ZNF253: variants seen among roughly 807,000 people sequenced by gnomAD.
ZNF253 encodes zinc finger protein 253, also known as DNA-binding protein.
ZNF253 carries 8 observed loss-of-function variants against 11.9 expected under a neutral mutation model. That is an observed-to-expected ratio of 0.67 (90% CI 0.40 to 1.22). The LOEUF is 1.22. Among genes scored for constraint, ZNF253 ranks in the 50% most tolerant of loss-of-function variants. ZNF253 has a pLI of 0.01. For missense variants in ZNF253, 485 were observed against 586.9 expected (o/e 0.83, Z 1.79); for synonymous variants, 194 against 194.9 (o/e 1.00, Z 0.04).
intron 2 of ZNF253, among the ~76,000 whole-genome samples, chr19:19,879,066 G>A (rs1404206543): frequency 6.6e-6 from 1 of 152,118 alleles, no homozygotes. Context: ...GCAGTTTAAA[G>A]TCACTGGCAA....
intron 1 of ZNF253, among the ~76,000 whole-genome samples, chr19:19,872,583 T>TATATATATATATTATTATA (rs371297261): frequency 8.3e-6 from 1 of 120,766 alleles, no homozygotes; most frequent in African/African-American, 4.1e-5. Context: ...ATATATATTA[T>TATATATATATATTATTATA]TATATATATA....
chr19:19,867,451 C>T (rs1372514028), intron 1 of ZNF253, among the ~76,000 whole-genome samples: 1 of 152,204 alleles, frequency 6.6e-6, no homozygotes, highest in African/African-American at 2.4e-5. Flanking sequence ...GCCTCAACCT[C>T]CCTGGCTCAA....
chr19:19,882,965 C>T (rs1161904480), intron 3 of ZNF253, among the ~76,000 whole-genome samples: 2 of 144,378 alleles, frequency 1.4e-5, no homozygotes, highest in Non-Finnish European at 3.0e-5. Context: ...TGCGAGACTC[C>T]GTCTCAAAAA....
intron 2 of ZNF253, 48 bp downstream of exon 2, chr19:19,878,655 A>T: frequency 1.3e-6 from 2 of 1,552,212 alleles, no homozygotes; most frequent in South Asian, 2.5e-5. Context: ...TGAAGATTTT[A>T]TTTCTCTTTT....
chr19:19,867,888 A>G (rs938235825), intron 1 of ZNF253, among the ~76,000 whole-genome samples: 13 of 151,418 alleles, frequency 8.6e-5, no homozygotes, highest in African/African-American at 2.4e-5. Flanking sequence ...AAAAATAGCC[A>G]TTCTGACTGG....
At chr19:19,889,054 A>T (rs796295768) in intron 3 of ZNF253, among the ~76,000 whole-genome samples, 1 of 149,040 alleles carries the variant, frequency 6.7e-6, no homozygotes, top group Non-Finnish European at 1.5e-5. Flanking sequence ...CATCATTTTT[A>T]TCTTGCAGCA....
chr19:19,879,519 G>C (rs1244249897), intron 2 of ZNF253, among the ~76,000 whole-genome samples: 1 of 152,162 alleles, frequency 6.6e-6, no homozygotes, highest in Admixed American at 6.5e-5. Flanking sequence ...TTTGAGAAAT[G>C]AGAACATGAA....
chr19:19,880,271 C>CTTT, intron 3 of ZNF253, 125 bp downstream of exon 3: 12 of 427,272 alleles, frequency 2.8e-5, no homozygotes, highest in Admixed American at 4.5e-5. Flanking sequence ...TCCTGGGCAG[C>CTTT]TGTTTTTTTT....
At chr19:19,878,427 T>A (rs1046606571) in intron 1 of ZNF253, 54 bp from the exon 2 acceptor site, 4 of 1,612,354 alleles carry the variant, frequency 2.5e-6, no homozygotes, top group Admixed American at 1.7e-5. Flanking sequence ...TTAAGTCAAA[T>A]TAAAAATTCC....
chr19:19,872,561 C>CTATATATATATATATATATATA lies in ZNF253; in HGVS notation c.4-5901_4-5900insATATATATATATATATATATAT, dbSNP rs58650123. ...CTATATCCCATACCCTAAACCATAA[C>CTATATATATATATATATATATA]TATATATATATATATATATTATTAT... On this transcript the variant is annotated intron_variant, in intron 1 of 3. Transcript: ENST00000589717. 4.3e-3 allele frequency among the ~76,000 whole-genome samples: 525 copies of CTATATATATATATATATATATA among 121,516 alleles called. 9 individuals are homozygous for CTATATATATATATATATATATA. The highest frequency in any genetic ancestry group is 0.012 in the African/African-American group (290 of 23,556). The allele number at this position is 121,516 out of a possible 152,430, so 79.7% of individuals were successfully genotyped here. A position where few individuals can be genotyped will look rare whatever the true frequency, so the allele number is the denominator to read the frequency against.
In ZNF253 at chr19:19,891,657, C is replaced by G. The variant is rs2063230519; in HGVS notation, c.410C>G (p.Thr137Arg). The change falls in exon 4 of 4, where the codon ACA becomes AGA. Residue 137 changes from threonine (T) to arginine (R), a missense_variant. Coordinates refer to ENST00000589717, the MANE Select transcript of ZNF253 (RefSeq NM_021047.3). ...GGYNGLNQCL[T>R]TTQKEIFQCD... ...TATAATGGACTTAACCAATGTTTGA[C>G]AACTACCCAGAAAGAAATATTTCAA... 1 of 1,613,940 alleles carries G rather than the reference C, an allele frequency of 6.2e-7. No individual in the cohort carries two copies. The highest frequency in any genetic ancestry group is 1.1e-5 in the South Asian group (1 of 91,084).
Position 19,892,794 on chromosome 19 carries a change from CTT to C in ZNF253, c.*49_*50del. 1 of 1,507,226 alleles carries C rather than the reference CTT, an allele frequency of 6.6e-7. No homozygotes were observed. Among genetic ancestry groups the C allele is most frequent in the Non-Finnish European group, 8.9e-7 (1 of 1,118,256 alleles). The allele number at this position is 1,507,226 out of a possible 1,614,324, so 93.4% of individuals were successfully genotyped here. A position where few individuals can be genotyped will look rare whatever the true frequency, so the allele number is the denominator to read the frequency against. ...ATGAATGTGATGAATGTGGGAAAGC[CTT>C]TAACCAGCCCTCGACTCTTAGTAAA... On this transcript the variant is annotated 3_prime_UTR_variant, in exon 4 of 4. Transcript: ENST00000589717.
At chr19:19,880,921 A>G (rs1301656118) in intron 3 of ZNF253, among the ~76,000 whole-genome samples, 1 of 152,018 alleles carries the variant, frequency 6.6e-6, no homozygotes. Flanking sequence ...ATTTCTATAA[A>G]GTCTTCAAAT....
At chr19:19,881,149 A>T (rs1175742270) in intron 3 of ZNF253, among the ~76,000 whole-genome samples, 1 of 150,170 alleles carries the variant, frequency 6.7e-6, no homozygotes, top group East Asian at 2.0e-4. Flanking sequence ...CAATCCAAAG[A>T]CATAAAATAT....
rs1459079015 is a variant in ZNF253, at chr19:19,892,329, T to TTCATACTGGAG, written c.1083_1093dup (p.Glu365ValfsTer79). On this transcript the variant is annotated frameshift_variant, in exon 4 of 4. Coordinates refer to ENST00000589717, the MANE Select transcript of ZNF253 (RefSeq NM_021047.3). LOFTEE classifies it low-confidence loss of function (END_TRUNC). ...TCACACCTTACTACACATAAGATAC[T>TTCATACTGGAG]TCATACTGGAGAGAAACCCTACAGA... 1.9e-6 allele frequency: 3 copies of TTCATACTGGAG among 1,611,630 alleles called. No individual in the cohort carries two copies. In the East Asian group the frequency reaches 6.7e-5, roughly 36 times the overall value.
rs770603948 is a variant in ZNF253 at position 19,891,773 on chromosome 19, A to C, written c.526A>C (p.Ile176Leu). 30 of 1,613,996 alleles carry C rather than the reference A, an allele frequency of 1.9e-5. No individual in the cohort carries two copies. Among genetic ancestry groups the C allele is most frequent in the Admixed American group, 1.0e-4 (6 of 59,976 alleles). Residue 176 changes from isoleucine (I) to leucine (L), a missense_variant, in exon 4 of 4, where the codon ATA becomes CTA. Transcript: ENST00000589717. Reference protein sequence around the residue: ...HTGINLFKCIICGKAFKRSST... With the variant: ...HTGINLFKCILCGKAFKRSST... ...TGGAATAAATCTTTTCAAATGTATAATATGTGGCAAAGCTTTTAAACGGTC... is the reference window on the plus strand; with the variant it reads ...TGGAATAAATCTTTTCAAATGTATACTATGTGGCAAAGCTTTTAAACGGTC...
At chr19:19,868,782 T>C (rs2063121367) in intron 1 of ZNF253, among the ~76,000 whole-genome samples, 1 of 152,118 alleles carries the variant, frequency 6.6e-6, no homozygotes, top group African/African-American at 2.4e-5. Flanking sequence ...TGTATACCTA[T>C]GTAACAAACC....
At chr19:19,866,872 G>A (rs1347891791) in intron 1 of ZNF253, among the ~76,000 whole-genome samples, 2 of 152,174 alleles carry the variant, frequency 1.3e-5, no homozygotes, top group Non-Finnish European at 2.9e-5. Context: ...TTCCAAATAA[G>A]GAAGGGGTTC....
rs1568499269 is a variant in ZNF253, at chr19:19,885,345, TCTTTCTTTCTTC to T, written c.226+5208_226+5219del. Among the ~76,000 whole-genome samples, 30 of 69,352 alleles carry T rather than the reference TCTTTCTTTCTTC, an allele frequency of 4.3e-4. 2 individuals carry two copies. The highest frequency in any genetic ancestry group is 3.9e-3 in the African/African-American group (22 of 5,658). 45.5% of individuals were successfully genotyped at this position (69,352 alleles called of 152,430 possible). A position where few individuals can be genotyped will look rare whatever the true frequency, so the allele number is the denominator to read the frequency against. On this transcript the variant is annotated intron_variant, in intron 3 of 3. Coordinates refer to ENST00000589717, the MANE Select transcript of ZNF253 (RefSeq NM_021047.3). Reference sequence around the variant, plus strand: ...TTCTTTCTTTCTTTCTTTCTTTCTTTCTTTCTTTCTTCCTTTCTTTTCTTTCTTTTCTTTCTT... The same window carrying T: ...TTCTTTCTTTCTTTCTTTCTTTCTTTCTTTCTTTTCTTTCTTTTCTTTCTT...
Sources: gnomAD v4.1 joint callset for allele counts (sites outside exome capture counted in the v4.1 genomes callset) on GRCh38, gnomAD v4.1.1 for gene constraint, MANE v1.5 for transcripts, NCBI Gene and HGNC (gene_info 2026-07-23, HGNC 2026-07-21) for gene names.